SH3BP5: variants seen among roughly 807,000 people sequenced by gnomAD.
The protein encoded by SH3BP5 is SH3 domain binding protein 5, also known as SH3 domain-binding protein 5.
In SH3BP5, 22 loss-of-function variants were observed where a neutral mutation model predicts 43.3. That is an observed-to-expected ratio of 0.51 (90% confidence interval 0.36 to 0.73). The LOEUF (loss-of-function observed/expected upper bound fraction) is 0.73. SH3BP5 is among the 30% of genes least tolerant of loss of function. The pLI is 0.00. For missense variants in SH3BP5, 529 were observed against 586.9 expected (o/e 0.90, Z 1.02); for synonymous variants, 255 against 225.8 (o/e 1.13, Z -1.16).
Position 15,332,422 on chromosome 3 carries a change from ACG to A in SH3BP5, c.-16_-15del, listed in dbSNP as rs1559463685. 2 of 1,529,968 alleles carry A rather than the reference ACG, an allele frequency of 1.3e-6. No individual in the cohort carries two copies. Among genetic ancestry groups the A allele is most frequent in the African/African-American group, 2.8e-5 (2 of 72,414 alleles). 94.8% of individuals were successfully genotyped at this position (1,529,968 alleles called of 1,614,324 possible). Reference sequence around the variant, plus strand: ...TGCCGCGTCCATGCAGGCAGCCGGCACGCGCGCCGCGCAGTGGGCTCCGGAGC... The same window carrying A: ...TGCCGCGTCCATGCAGGCAGCCGGCACGCGCCGCGCAGTGGGCTCCGGAGC... On this transcript the variant is annotated 5_prime_UTR_variant, in exon 1 of 9. Transcript: ENST00000383791.
At chr3:15,322,070 G>C (rs777804447) in intron 2 of SH3BP5, among the ~76,000 whole-genome samples, 2 of 152,126 alleles carry the variant, frequency 1.3e-5, no homozygotes, top group Non-Finnish European at 2.9e-5. Flanking sequence ...CAGGCATGGT[G>C]GTGGGCTCCT....
At chr3:15,315,326 G>A (rs1698158636) in intron 2 of SH3BP5, among the ~76,000 whole-genome samples, 1 of 152,152 alleles carries the variant, frequency 6.6e-6, no homozygotes, top group African/African-American at 2.4e-5. Flanking sequence ...CTATTTGAGT[G>A]GGTTGTGGGA....
At chr3:15,286,887 T>C (rs565685407) in intron 3 of SH3BP5, among the ~76,000 whole-genome samples, 1 of 152,196 alleles carries the variant, frequency 6.6e-6, no homozygotes, top group Non-Finnish European at 1.5e-5. Context: ...TTTTCATCTT[T>C]ACTTTGCACC....
chr3:15,337,095 T>TG (rs1698709706), upstream of SH3BP5, among the ~76,000 whole-genome samples: 1 of 147,592 alleles, frequency 6.8e-6, no homozygotes, highest in African/African-American at 2.5e-5. Flanking sequence ...TTTTTTTTTT[T>TG]TTTTTTTTTT....
intron 2 of SH3BP5, among the ~76,000 whole-genome samples, chr3:15,307,206 CCAT>C (rs946079599): frequency 3.3e-5 from 5 of 152,158 alleles, no homozygotes; most frequent in African/African-American, 1.2e-4. Flanking sequence ...TGGTTCTGTG[CCAT>C]CATCATCATC....
chr3:15,332,598 G>C (rs1366854533), upstream of SH3BP5: 1 of 1,197,484 alleles, frequency 8.4e-7, no homozygotes, highest in Non-Finnish European at 1.0e-6. Flanking sequence ...AAATGGGCGC[G>C]GCCGCCCCCT....
At chr3:15,339,280 T>A (rs1454074435) in intron 1 of SH3BP5, among the ~76,000 whole-genome samples, 1 of 152,090 alleles carries the variant, frequency 6.6e-6, no homozygotes, top group East Asian at 1.9e-4. Context: ...ATTAAACTTG[T>A]CTCTTGACCC....
rs749540320 is a variant in SH3BP5, at chr3:15,256,922, T to C, written c.1081A>G (p.Met361Val). ...SPVSLSEFGMMFPVLGPRSEC... is the reference protein window; with the variant it reads ...SPVSLSEFGMVFPVLGPRSEC... ...CTTCGAGGGCCCAACACTGGGAACA[T>C]CATCCCAAACTCTGACAGGGACACA... Residue 361 changes from methionine (M) to valine (V), a missense_variant, in exon 8 of 9, where the codon ATG becomes GTG. Physicochemically the swap from Met to Val is conservative, Grantham distance 21 (BLOSUM62 1). Around this residue, in one of 3 missense-constraint regions of SH3BP5, gnomAD observed 369 missense variants for 384.3 expected, o/e 0.96. Coordinates refer to ENST00000383791, the MANE Select transcript of SH3BP5 (RefSeq NM_004844.5). 1 of 1,614,124 alleles carries C rather than the reference T, an allele frequency of 6.2e-7. No individual in the cohort carries two copies. The highest frequency in any genetic ancestry group is 1.7e-5 in the Admixed American group (1 of 60,018).
At chr3:15,275,789 G>A (rs910415894) in intron 3 of SH3BP5, 1 of 152,172 alleles carries the variant, frequency 6.6e-6, no homozygotes, top group Non-Finnish European at 1.5e-5. Context: ...GGAAGGCCAA[G>A]GCGGGTGGAT....
At chr3:15,293,090 C>T (rs938788770) in intron 3 of SH3BP5, among the ~76,000 whole-genome samples, 4 of 152,258 alleles carry the variant, frequency 2.6e-5, no homozygotes, top group Admixed American at 2.0e-4. Context: ...CCAGAATCTT[C>T]AGCCAAGACT....
intron 4 of SH3BP5, chr3:15,264,454 CTTAT>C (rs977597051): frequency 6.6e-6 from 1 of 152,048 alleles, no homozygotes; most frequent in Non-Finnish European, 1.5e-5. Context: ...TAGATCCCTC[CTTAT>C]TTAATGAGAG....
At chr3:15,281,987 G>A (rs1410694045) in intron 3 of SH3BP5, among the ~76,000 whole-genome samples, 1 of 152,064 alleles carries the variant, frequency 6.6e-6, no homozygotes. Flanking sequence ...AGCATGAGGT[G>A]ACAAGAGCGA....
At chr3:15,297,989 TTTA>T (rs1164303354) in intron 3 of SH3BP5, among the ~76,000 whole-genome samples, 4 of 146,686 alleles carry the variant, frequency 2.7e-5, no homozygotes, top group African/African-American at 1.1e-4. Context: ...TTTTTTTTTT[TTTA>T]AAGAGCCAAG....
intron 2 of SH3BP5, among the ~76,000 whole-genome samples, chr3:15,327,121 G>A (rs1310466650): frequency 6.6e-6 from 1 of 152,124 alleles, no homozygotes; most frequent in African/African-American, 2.4e-5. Context: ...CCAGCACTTT[G>A]GGAGGCTGAG....
intron 2 of SH3BP5, among the ~76,000 whole-genome samples, chr3:15,326,526 T>C (rs1698467868): frequency 6.6e-6 from 1 of 152,200 alleles, no homozygotes; most frequent in Non-Finnish European, 1.5e-5. Flanking sequence ...TACCTTCCCC[T>C]GGGGGCCCTG....
chr3:15,265,559 C>CACA (rs1285577992), intron 4 of SH3BP5, among the ~76,000 whole-genome samples: 1 of 142,820 alleles, frequency 7.0e-6, no homozygotes, highest in African/African-American at 2.6e-5. Flanking sequence ...CACACACACA[C>CACA]AACCCTCCAG....
chr3:15,257,373 T>A, intron 7 of SH3BP5: 1 of 421,998 alleles, frequency 2.4e-6, no homozygotes, highest in Non-Finnish European at 4.3e-6. Context: ...GAAATCAGTG[T>A]CACCAGACAC....
chr3:15,285,020 G>A (rs2729689), intron 3 of SH3BP5, among the ~76,000 whole-genome samples: 80,397 of 152,022 alleles, frequency 0.53, 23,976 homozygotes, highest in Non-Finnish European at 0.67. Context: ...CTAGGATCTC[G>A]TCACAGCAGT....
chr3:15,332,502 C>A lies in SH3BP5; in HGVS notation c.-94G>T. Reference sequence around the variant, plus strand: ...TGGGCTGGAGCCGCCTCGCCACAGCCGGGCACGGTCGGGGAGCCGCCGGGG... The same window carrying A: ...TGGGCTGGAGCCGCCTCGCCACAGCAGGGCACGGTCGGGGAGCCGCCGGGG... On this transcript the variant is annotated 5_prime_UTR_variant, in exon 1 of 9. Coordinates refer to ENST00000383791, the MANE Select transcript of SH3BP5 (RefSeq NM_004844.5). The A allele has an allele frequency of 7.7e-7, 1 of 1,300,978 alleles. No homozygotes were observed. Among genetic ancestry groups the A allele is most frequent in the Non-Finnish European group, 9.7e-7 (1 of 1,030,066 alleles). The allele number at this position is 1,300,978 out of a possible 1,614,324, so 80.6% of individuals were successfully genotyped here.
Sources: gnomAD v4.1 joint callset for allele counts (sites outside exome capture counted in the v4.1 genomes callset) on GRCh38, gnomAD v4.1.1 for gene constraint, gnomAD v4.1.1 regional missense constraint, MANE v1.5 for transcripts, NCBI Gene and HGNC (gene_info 2026-07-23, HGNC 2026-07-21) for gene names.